Variants in LMOD1 observed in about 807,000 individuals in gnomAD.
The protein encoded by LMOD1 is leiomodin 1.
LMOD1 carries 8 observed loss-of-function variants against 36.5 expected under a neutral mutation model. The ratio of observed to expected loss-of-function variants is 0.22; its 90% confidence interval spans 0.13 to 0.40. The LOEUF (loss-of-function observed/expected upper bound fraction) is 0.40, where lower values mean the gene tolerates loss of function less well. Ranked by LOEUF, LMOD1 falls within the 10% of genes least tolerant of loss-of-function variation. LMOD1 has a pLI of 1.00. For synonymous variants in LMOD1, 284 were observed against 288.7 expected, an observed-to-expected ratio of 0.98 and a Z score of 0.17; for missense variants, 630 against 751.1, an observed-to-expected ratio of 0.84 and a Z score of 1.88.
intron 1 of LMOD1, among the ~76,000 whole-genome samples, chr1:201,928,167 G>A (rs897788393): frequency 3.3e-5 from 5 of 152,148 alleles, no homozygotes; most frequent in African/African-American, 1.2e-4. Flanking sequence ...TCAAAACCAT[G>A]AGCAAAATGT....
chr1:201,940,311 C>A (rs972992744), intron 1 of LMOD1, among the ~76,000 whole-genome samples: 1 of 151,644 alleles, frequency 6.6e-6, no homozygotes, highest in Admixed American at 6.6e-5. Flanking sequence ...CTCAGCCTCC[C>A]GAGCAGCTGG....
chr1:201,931,168 G>A (rs1250591382), intron 1 of LMOD1, among the ~76,000 whole-genome samples: 1 of 152,200 alleles, frequency 6.6e-6, no homozygotes, highest in South Asian at 2.1e-4. Context: ...GGAGGCAGGA[G>A]AGAAAAGATT....
chr1:201,911,011 T>C (rs1681488052), intron 1 of LMOD1, among the ~76,000 whole-genome samples: 1 of 152,138 alleles, frequency 6.6e-6, no homozygotes, highest in Non-Finnish European at 1.5e-5. Context: ...TCTTAACTAC[T>C]ATGCTGTGCT....
chr1:201,915,590 G>A (rs1262311332), intron 1 of LMOD1, among the ~76,000 whole-genome samples: 1 of 152,102 alleles, frequency 6.6e-6, no homozygotes, highest in Admixed American at 6.5e-5. Context: ...CTGTGGGGAG[G>A]CAACGTGGAC....
intron 1 of LMOD1, among the ~76,000 whole-genome samples, chr1:201,939,811 A>G (rs1161928384): frequency 2.0e-5 from 3 of 149,776 alleles, no homozygotes; most frequent in South Asian, 2.1e-4. Flanking sequence ...TAGACTGCCT[A>G]TCTCTTGGTG....
chr1:201,908,847 C>T (rs1285683706), intron 1 of LMOD1, among the ~76,000 whole-genome samples: 1 of 152,206 alleles, frequency 6.6e-6, no homozygotes, highest in African/African-American at 2.4e-5. Flanking sequence ...CCAGCATGGC[C>T]CCTCAACTCC....
chr1:201,911,926 C>T (rs1681503395), intron 1 of LMOD1, among the ~76,000 whole-genome samples: 1 of 152,200 alleles, frequency 6.6e-6, no homozygotes, highest in Admixed American at 6.5e-5. Context: ...ACATGAATGG[C>T]ACTAACTACA....
chr1:201,900,077 C>T lies in LMOD1; in HGVS notation c.936G>A (p.Glu312=). ...GCTCATCAAATATGCTGGGAGCTGC[C>T]TCCTCCTCCACCTTGGCCGGTCCTT... ...PSEGPAKVEE[E]AAPSIFDEPL... Residue 312 remains glutamate (E), a synonymous_variant, in exon 2 of 3, where the codon GAG becomes GAA. Coordinates refer to ENST00000367288, the MANE Select transcript of LMOD1 (RefSeq NM_012134.3). 1 of 1,613,886 alleles carries T rather than the reference C, an allele frequency of 6.2e-7. No individual in the cohort carries two copies. Among genetic ancestry groups the T allele is most frequent in the East Asian group, 2.2e-5 (1 of 44,870 alleles).
In LMOD1 at chr1:201,900,694, C is replaced by T. The variant is rs1012432132; in HGVS notation, c.319G>A (p.Asp107Asn). The change falls in exon 2 of 3, where the codon GAT (aspartate) becomes AAT (asparagine). Residue 107 changes from aspartate (D) to asparagine (N), a missense_variant. By Grantham distance (23) the Asp-to-Asn change is conservative. Around this residue, in one of 3 missense-constraint regions of LMOD1, gnomAD observed 405 missense variants for 400.6 expected, o/e 1.01. Coordinates refer to ENST00000367288, the MANE Select transcript of LMOD1 (RefSeq NM_012134.3). ...GGGCCCAGGGCTTTTTTGCTGGCAT[C>T]TCTGCCCCTTTCCTCTCCATTCTTG... ...DAKNGEERGR[D>N]ASKKALGPRR... is the part of the protein sequence containing the mutation. 1.2e-6 allele frequency: 2 copies of T among 1,613,590 alleles called. No homozygotes were observed. The highest frequency in any genetic ancestry group is 4.5e-5 in the East Asian group (2 of 44,902).
At chr1:201,936,421 G>C (rs1219292590) in intron 1 of LMOD1, among the ~76,000 whole-genome samples, 1 of 152,098 alleles carries the variant, frequency 6.6e-6, no homozygotes, top group Non-Finnish European at 1.5e-5. Flanking sequence ...GTCAAACTCT[G>C]CTGCCCTAAA....
At chr1:201,921,350 T>C (rs1681699369) in intron 1 of LMOD1, among the ~76,000 whole-genome samples, 1 of 151,146 alleles carries the variant, frequency 6.6e-6, no homozygotes. Flanking sequence ...TAGCTGGGCA[T>C]GGTGGTGCGA....
intron 1 of LMOD1, among the ~76,000 whole-genome samples, chr1:201,919,152 T>G (rs2820325): frequency 0.73 from 110,739 of 151,676 alleles, 41,209 homozygotes; most frequent in Non-Finnish European, 0.8. Flanking sequence ...GGCCTCACTT[T>G]TGCTGGGATT....
At chr1:201,913,271 C>A (rs2102915772) in intron 1 of LMOD1, among the ~76,000 whole-genome samples, 1 of 152,348 alleles carries the variant, frequency 6.6e-6, no homozygotes, top group East Asian at 1.9e-4. Context: ...CCTCTGTTAG[C>A]TACTTTCTTT....
chr1:201,911,840 C>CA (rs1431737080), intron 1 of LMOD1, among the ~76,000 whole-genome samples: 1 of 151,920 alleles, frequency 6.6e-6, no homozygotes, highest in Non-Finnish European at 1.5e-5. Context: ...ACTTTGAGGC[C>CA]AAAAAGGAAA....
Position 201,946,394 on chromosome 1 carries a change from G to C in LMOD1, c.-54C>G. 6.3e-7 allele frequency: 1 copy of C among 1,583,606 alleles called. No individual in the cohort carries two copies. The highest frequency in any genetic ancestry group is 1.2e-5 in the South Asian group (1 of 86,160). On this transcript the variant is annotated 5_prime_UTR_variant, in exon 1 of 3. Transcript: ENST00000367288. The stretch of plus-strand genomic sequence containing the variant: ...GGCTATCAGAGTCCTGGTGGGCAGG[G>C]AAGGGAGAGGGGTGAGCTGATCTGG...
chr1:201,924,045 A>G lies in LMOD1; in HGVS notation c.261+22035T>C, dbSNP rs1466989367. ...GAAAAGAAAGAGAGAGGCTGGGCACAGTGGCTCACGCCTGTAATCCCAGCA... is the reference window on the plus strand; with the variant it reads ...GAAAAGAAAGAGAGAGGCTGGGCACGGTGGCTCACGCCTGTAATCCCAGCA... On this transcript the variant is annotated intron_variant, in intron 1 of 2. Coordinates refer to ENST00000367288, the MANE Select transcript of LMOD1 (RefSeq NM_012134.3). 2.6e-5 allele frequency among the ~76,000 whole-genome samples: 4 copies of G among 151,858 alleles called. No individual in the cohort carries two copies. The East Asian group carries it at 5.8e-4, about 22-fold the overall frequency.
At chr1:201,945,993 C>G in intron 1 of LMOD1, 87 bp downstream of exon 1, 1 of 1,354,794 alleles carries the variant, frequency 7.4e-7, no homozygotes, top group Non-Finnish European at 1.0e-6. Context: ...AACGTTTCTT[C>G]TAAGGAAGGA....
At chr1:201,905,150 A>G (rs1681393009) in intron 1 of LMOD1, among the ~76,000 whole-genome samples, 1 of 152,178 alleles carries the variant, frequency 6.6e-6, no homozygotes, top group Admixed American at 6.5e-5. Context: ...TGCGAAAAGC[A>G]TTAGGGTTAG....
Position 201,899,415 on chromosome 1 carries a change from G to A in LMOD1, c.1598C>T (p.Ala533Val). The A allele has an allele frequency of 3.7e-6, 6 of 1,613,422 alleles. No individual in the cohort carries two copies. Among genetic ancestry groups the A allele is most frequent in the East Asian group, 2.2e-5 (1 of 44,848 alleles). The change falls in exon 2 of 3, where the codon GCC becomes GTC. Residue 533 changes from alanine (A) to valine (V), a missense_variant. Physicochemically the swap from Ala to Val is moderately conservative, Grantham distance 64. Transcript: ENST00000367288. The surrounding 1 kb of genome is among the most constrained non-coding windows in gnomAD (Gnocchi z 6.3). ...CAAGGGAGGGGGAGGGGGTGGTGGG[G>A]CAGCTGGAGCACCCCCTTTTTTGGG... Reference protein sequence around the residue: ...NSPKKGGAPAAPPPPPPPLAP... With the variant: ...NSPKKGGAPAVPPPPPPPLAP...
Sources: allele counts gnomAD v4.1 joint callset (sites outside exome capture counted in the v4.1 genomes callset), GRCh38; gene constraint gnomAD v4.1.1; regional missense constraint gnomAD v4.1.1; non-coding constraint Gnocchi (gnomAD v3.1); transcripts MANE v1.5; gene names NCBI Gene and HGNC (gene_info 2026-07-23, HGNC 2026-07-21).